Variants in MND1 observed in about 807,000 individuals in gnomAD.
MND1 encodes meiotic nuclear division protein 1 homolog.
In MND1, 28 loss-of-function variants were observed where a neutral mutation model predicts 35.1. The ratio of observed to expected loss-of-function variants is 0.80; its 90% confidence interval spans 0.59 to 1.09. The LOEUF (loss-of-function observed/expected upper bound fraction) is 1.09. Among genes scored for constraint, MND1 ranks in the 50% least tolerant of loss-of-function variants. The pLI, the probability that MND1 is intolerant of heterozygous loss-of-function variation, is 0.00. For missense variants in MND1, 213 were observed against 239.6 expected (o/e 0.89, Z 0.73); for synonymous variants, 69 against 70.5 (o/e 0.98, Z 0.11).
intron 4 of MND1, among the ~76,000 whole-genome samples, chr4:153,384,749 T>A (rs550463482): frequency 1.3e-5 from 2 of 152,324 alleles, no homozygotes; most frequent in Admixed American, 6.5e-5. Context: ...CAGCATGTAC[T>A]TATTAAGTGG....
chr4:153,360,571 ACTT>A (rs1042640437), intron 4 of MND1, among the ~76,000 whole-genome samples: 3 of 147,784 alleles, frequency 2.0e-5, no homozygotes, highest in South Asian at 2.1e-4. Context: ...AGTATAATTT[ACTT>A]CTTTTCTGTA....
intron 4 of MND1, among the ~76,000 whole-genome samples, chr4:153,373,547 T>C (rs1446375375): frequency 6.6e-6 from 1 of 152,206 alleles, no homozygotes; most frequent in African/African-American, 2.4e-5. Flanking sequence ...TTTAAAAAAT[T>C]GAGCTTAATG....
intron 4 of MND1, among the ~76,000 whole-genome samples, chr4:153,373,294 C>T (rs941962188): frequency 6.6e-6 from 1 of 152,054 alleles, no homozygotes; most frequent in Admixed American, 6.6e-5. Context: ...AATTATTGAG[C>T]CTCAAGTACT....
At chr4:153,360,615 T>TAC in intron 4 of MND1, among the ~76,000 whole-genome samples, 6 of 149,014 alleles carry the variant, frequency 4.0e-5, no homozygotes, top group African/African-American at 9.8e-5. Context: ...TGTATATATA[T>TAC]ATACACATAA....
chr4:153,389,978 C>T (rs1200246654), intron 4 of MND1, among the ~76,000 whole-genome samples: 3 of 151,316 alleles, frequency 2.0e-5, no homozygotes, highest in South Asian at 2.1e-4. Flanking sequence ...ATGTGCTATT[C>T]GGAAACTCAG....
At chr4:153,393,606 T>TG (rs1479667319) in intron 4 of MND1, among the ~76,000 whole-genome samples, 1 of 151,992 alleles carries the variant, frequency 6.6e-6, no homozygotes, top group African/African-American at 2.4e-5. Flanking sequence ...CTCCAGCTCC[T>TG]GGGATCATGC....
At chr4:153,406,873 G>A (rs1018545231) in intron 6 of MND1, among the ~76,000 whole-genome samples, 2 of 152,214 alleles carry the variant, frequency 1.3e-5, no homozygotes, top group African/African-American at 2.4e-5. Flanking sequence ...ACGGTGCCAC[G>A]TATTTGGGGA....
chr4:153,355,687 A>T lies in MND1; in HGVS notation c.103A>T (p.Ile35Phe). Residue 35 changes from isoleucine (I) to phenylalanine (F), a missense_variant, in exon 3 of 8, where the codon ATT (isoleucine) becomes TTT (phenylalanine). Physicochemically the swap from Ile to Phe is conservative, Grantham distance 21. Coordinates refer to ENST00000240488, the MANE Select transcript of MND1 (RefSeq NM_032117.4). Reference protein sequence around the residue: ...DVFQLKDLEKIAPKEKGITAM... With the variant: ...DVFQLKDLEKFAPKEKGITAM... Reference sequence around the variant, plus strand: ...ATTTCAATTAAAAGACTTGGAGAAGATTGCTCCCAAAGAGAAAGGCATTAG... The same window carrying T: ...ATTTCAATTAAAAGACTTGGAGAAGTTTGCTCCCAAAGAGAAAGGCATTAG... 6.3e-7 allele frequency: 1 copy of T among 1,589,740 alleles called. No individual in the cohort carries two copies. The highest frequency in any genetic ancestry group is 8.6e-7 in the Non-Finnish European group (1 of 1,159,522).
At chr4:153,385,401 A>G (rs1371653) in intron 4 of MND1, among the ~76,000 whole-genome samples, 44,175 of 152,038 alleles carry the variant, frequency 0.29, 7,551 homozygotes, top group African/African-American at 0.48. Context: ...TTAACGACTC[A>G]TTTAAGTTCA....
chr4:153,403,542 C>G (rs1044776608), intron 6 of MND1, among the ~76,000 whole-genome samples: 5 of 152,080 alleles, frequency 3.3e-5, no homozygotes, highest in African/African-American at 1.2e-4. Flanking sequence ...AGGAAAGTTA[C>G]TAAACAAATT....
At chr4:153,381,289 C>T (rs890307722) in intron 4 of MND1, among the ~76,000 whole-genome samples, 1 of 151,974 alleles carries the variant, frequency 6.6e-6, no homozygotes, top group Admixed American at 6.6e-5. Flanking sequence ...CAATGATTCT[C>T]CTTTGCTGTT....
chr4:153,405,535 CAAAAA>C (rs1729475883), intron 6 of MND1, among the ~76,000 whole-genome samples: 1 of 99,526 alleles, frequency 1.0e-5, no homozygotes, highest in Non-Finnish European at 1.8e-5. Context: ...GACTCTGTCT[CAAAAA>C]GAAAAAAAAA....
chr4:153,383,063 G>A (rs1360038390), intron 4 of MND1, among the ~76,000 whole-genome samples: 1 of 152,158 alleles, frequency 6.6e-6, no homozygotes, highest in Non-Finnish European at 1.5e-5. Flanking sequence ...GATCTGTTGG[G>A]AGGTTCTTTC....
At chr4:153,373,201 A>T (rs144843209) in intron 4 of MND1, among the ~76,000 whole-genome samples, 1 of 152,220 alleles carries the variant, frequency 6.6e-6, no homozygotes. Context: ...TTACCTATGT[A>T]GTTATGTTAA....
At chr4:153,365,803 T>C (rs1425005297) in intron 4 of MND1, among the ~76,000 whole-genome samples, 1 of 152,150 alleles carries the variant, frequency 6.6e-6, no homozygotes, top group Non-Finnish European at 1.5e-5. Flanking sequence ...TGGCAGTGGA[T>C]TTGTGAAAAA....
intron 4 of MND1, among the ~76,000 whole-genome samples, chr4:153,370,864 G>A (rs554335203): frequency 6.6e-6 from 1 of 152,082 alleles, no homozygotes; most frequent in East Asian, 1.9e-4. Context: ...CTTCCCAGAA[G>A]GTTTTCAATT....
rs562228666 is a variant in MND1, at chr4:153,364,401, C to T, written c.276+5779C>T. On this transcript the variant is annotated intron_variant, in intron 4 of 7. Coordinates refer to ENST00000240488, the MANE Select transcript of MND1 (RefSeq NM_032117.4). ...GGATAGTGGCAGGCTCCTGTGGTCCCGGCTATTCGAGAGGCTGAGGTGGGA... is the reference window on the plus strand; with the variant it reads ...GGATAGTGGCAGGCTCCTGTGGTCCTGGCTATTCGAGAGGCTGAGGTGGGA... Among the ~76,000 whole-genome samples the T allele has an allele frequency of 1.2e-4, 18 of 151,516 alleles. No homozygotes were observed. In the East Asian group the frequency reaches 1.4e-3, roughly 11 times the overall value.
At chr4:153,381,847 C>G (rs1024041299) in intron 4 of MND1, 2 of 150,258 alleles carry the variant, frequency 1.3e-5, no homozygotes, top group African/African-American at 4.9e-5. Flanking sequence ...TGGTTCACCC[C>G]TGCTTAGGCA....
chr4:153,391,037 A>G (rs1462355829), intron 4 of MND1, among the ~76,000 whole-genome samples: 3 of 151,994 alleles, frequency 2.0e-5, no homozygotes, highest in Non-Finnish European at 4.4e-5. Context: ...CTTTTAATGG[A>G]AAAATGTTAT....
Sources: allele counts gnomAD v4.1 joint callset (sites outside exome capture counted in the v4.1 genomes callset), GRCh38; gene constraint gnomAD v4.1.1; transcripts MANE v1.5; gene names NCBI Gene and HGNC (gene_info 2026-07-23, HGNC 2026-07-21).